The following PLXDC2 variants were observed in gnomAD, a reference collection of about 807,000 sequenced individuals.
PLXDC2 encodes plexin domain-containing protein 2.
In PLXDC2, 40 loss-of-function variants were observed where a neutral mutation model predicts 68.9. The observed-to-expected ratio is 0.58, with a 90% CI of 0.45 to 0.76. The LOEUF is 0.76. Among genes scored for constraint, PLXDC2 ranks in the 30% least tolerant of loss-of-function variants. The pLI is 0.00. For synonymous variants in PLXDC2, 243 were observed against 234.2 expected, an observed-to-expected ratio of 1.04 and a Z score of -0.34; for missense variants, 644 against 661.9, an observed-to-expected ratio of 0.97 and a Z score of 0.30.
intron 13 of PLXDC2, among the ~76,000 whole-genome samples, chr10:20,264,641 TA>T (rs544483513): frequency 6.5e-4 from 99 of 151,718 alleles, no homozygotes; most frequent in African/African-American, 2.3e-3. Context: ...ATTTTGAAAA[TA>T]AAAAACTAGA....
At chr10:20,024,891 CATG>C (rs1313916506) in intron 2 of PLXDC2, among the ~76,000 whole-genome samples, 3 of 152,158 alleles carry the variant, frequency 2.0e-5, no homozygotes, top group Non-Finnish European at 4.4e-5. Flanking sequence ...GCTTAAAGGA[CATG>C]ATTTCATTCT....
intron 4 of PLXDC2, among the ~76,000 whole-genome samples, chr10:20,123,108 A>G (rs977811593): frequency 2.6e-5 from 4 of 152,164 alleles, no homozygotes; most frequent in African/African-American, 9.7e-5. Context: ...ATGGAACAAA[A>G]CTGTAAGCCG....
At chr10:19,828,168 C>A (rs1050470031) in intron 1 of PLXDC2, among the ~76,000 whole-genome samples, 1 of 152,188 alleles carries the variant, frequency 6.6e-6, no homozygotes, top group Admixed American at 6.5e-5. Flanking sequence ...GGACCAGCAA[C>A]GCTCCAATCA....
At chr10:19,947,938 A>G (rs1833930068) in intron 1 of PLXDC2, among the ~76,000 whole-genome samples, 1 of 152,070 alleles carries the variant, frequency 6.6e-6, no homozygotes, top group South Asian at 2.1e-4. Flanking sequence ...TTAACTATTG[A>G]CATGAGTCTT....
chr10:20,021,508 C>G (rs1204173873), intron 2 of PLXDC2, among the ~76,000 whole-genome samples: 2 of 151,786 alleles, frequency 1.3e-5, no homozygotes, highest in African/African-American at 4.8e-5. Context: ...TTTTACAATT[C>G]TTAGCCAAAT....
intron 7 of PLXDC2, among the ~76,000 whole-genome samples, chr10:20,174,153 ACC>A (rs58867166): frequency 6.6e-6 from 1 of 152,022 alleles, no homozygotes; most frequent in Non-Finnish European, 1.5e-5. Flanking sequence ...AGACTCAAGA[ACC>A]CCCCCTCCTA....
chr10:20,090,315 G>A (rs989153165), intron 4 of PLXDC2, among the ~76,000 whole-genome samples: 1 of 152,078 alleles, frequency 6.6e-6, no homozygotes, highest in Non-Finnish European at 1.5e-5. Context: ...AGAATATAAA[G>A]CAACACCCTT....
intron 1 of PLXDC2, among the ~76,000 whole-genome samples, chr10:19,916,983 T>C (rs1406251375): frequency 1.3e-5 from 2 of 152,152 alleles, no homozygotes; most frequent in East Asian, 3.8e-4. Flanking sequence ...ATAATGAAAG[T>C]ATTATGAAAA....
intron 4 of PLXDC2, among the ~76,000 whole-genome samples, chr10:20,086,561 G>A (rs1422171196): frequency 1.3e-5 from 2 of 152,080 alleles, no homozygotes; most frequent in Non-Finnish European, 2.9e-5. Context: ...TAAATGCAAA[G>A]CATGGGTTTA....
At chr10:20,047,292 A>ATCC (rs1835813873) in intron 3 of PLXDC2, among the ~76,000 whole-genome samples, 1 of 152,108 alleles carries the variant, frequency 6.6e-6, no homozygotes, top group African/African-American at 2.4e-5. Flanking sequence ...TTGGATTCTA[A>ATCC]ATTGAGCTTT....
chr10:19,901,631 G>A (rs1008849966), intron 1 of PLXDC2, among the ~76,000 whole-genome samples: 1 of 151,828 alleles, frequency 6.6e-6, no homozygotes, highest in African/African-American at 2.4e-5. Context: ...GTGGGTTGTC[G>A]GTTAACTCTG....
chr10:20,203,604 C>T (rs765921372), intron 9 of PLXDC2, among the ~76,000 whole-genome samples: 10 of 151,978 alleles, frequency 6.6e-5, no homozygotes, highest in Non-Finnish European at 1.3e-4. Flanking sequence ...AGCCACCGTG[C>T]CCAGCCCAAT....
chr10:19,906,540 G>C (rs915218704), intron 1 of PLXDC2, among the ~76,000 whole-genome samples: 3 of 152,148 alleles, frequency 2.0e-5, no homozygotes, highest in African/African-American at 7.2e-5. Context: ...GGGGAGATTA[G>C]GGCAGGTGGA....
At chr10:19,947,207 G>C (rs1283395741) in intron 1 of PLXDC2, among the ~76,000 whole-genome samples, 2 of 152,170 alleles carry the variant, frequency 1.3e-5, no homozygotes, top group Non-Finnish European at 2.9e-5. Context: ...GAAAAATGCA[G>C]CCCTATGGAA....
At chr10:20,123,221 G>C (rs1242219863) in intron 4 of PLXDC2, among the ~76,000 whole-genome samples, 1 of 152,076 alleles carries the variant, frequency 6.6e-6, no homozygotes, top group African/African-American at 2.4e-5. Flanking sequence ...GGAGCAGCCT[G>C]GGGAGGAGGG....
At chr10:20,210,655 A>T (rs1835057370) in intron 9 of PLXDC2, among the ~76,000 whole-genome samples, 1 of 152,188 alleles carries the variant, frequency 6.6e-6, no homozygotes, top group African/African-American at 2.4e-5. Context: ...AGACTCGCAG[A>T]ACTCAGAAAA....
intron 2 of PLXDC2, among the ~76,000 whole-genome samples, chr10:20,044,126 C>CCTT (rs1564293709): frequency 6.6e-5 from 1 of 15,086 alleles, no homozygotes; most frequent in African/African-American, 2.5e-4. Context: ...CTTCCTTCCT[C>CCTT]CCTCCCTCCC....
At chr10:19,935,507 C>G (rs539407023) in intron 1 of PLXDC2, among the ~76,000 whole-genome samples, 1 of 152,276 alleles carries the variant, frequency 6.6e-6, no homozygotes, top group African/African-American at 2.4e-5. Flanking sequence ...AGGAAGCACA[C>G]CTGGGAGCTC....
chr10:20,259,185 C>G (rs564677009), intron 13 of PLXDC2, among the ~76,000 whole-genome samples: 1 of 152,160 alleles, frequency 6.6e-6, no homozygotes, highest in Admixed American at 6.5e-5. Context: ...TTCATCTCAG[C>G]ACATAGCAGA....
Sources: allele counts gnomAD v4.1 joint callset (sites outside exome capture counted in the v4.1 genomes callset), GRCh38; gene constraint gnomAD v4.1.1; transcripts MANE v1.5; gene names NCBI Gene and HGNC (gene_info 2026-07-23, HGNC 2026-07-21).